The following EPHB1 variants were observed in gnomAD, a reference collection of about 807,000 sequenced individuals.
EPHB1 encodes ephrin type-B receptor 1.
In EPHB1, 30 loss-of-function variants were observed where a neutral mutation model predicts 94.4. The ratio of observed to expected loss-of-function variants is 0.32; its 90% confidence interval spans 0.24 to 0.43. EPHB1 has a LOEUF of 0.43. EPHB1 is among the 20% of genes least tolerant of loss of function. The pLI, the probability that EPHB1 is intolerant of heterozygous loss-of-function variation, is 1.00. For missense variants in EPHB1, 1,055 were observed against 1,308.3 expected (o/e 0.81, Z 2.99); for synonymous variants, 522 against 489.1 (o/e 1.07, Z -0.89).
intron 3 of EPHB1, among the ~76,000 whole-genome samples, chr3:135,015,008 T>G (rs1935745648): frequency 2.6e-5 from 4 of 152,202 alleles, no homozygotes; most frequent in African/African-American, 9.6e-5. Context: ...GACCCTGGGC[T>G]GCAGGTGTGT....
intron 2 of EPHB1, among the ~76,000 whole-genome samples, chr3:134,948,357 A>G (rs2039254763): frequency 6.6e-6 from 1 of 151,910 alleles, no homozygotes; most frequent in South Asian, 2.1e-4. Context: ...TCCTTTCCTC[A>G]AGTCATGTAG....
intron 3 of EPHB1, among the ~76,000 whole-genome samples, chr3:134,987,674 G>A (rs1344090890): frequency 6.6e-6 from 1 of 152,200 alleles, no homozygotes; most frequent in Non-Finnish European, 1.5e-5. Context: ...TGGAGGCTGA[G>A]GCAGGAGAAC....
At chr3:135,057,505 C>G (rs1937381751) in intron 3 of EPHB1, among the ~76,000 whole-genome samples, 1 of 152,162 alleles carries the variant, frequency 6.6e-6, no homozygotes, top group African/African-American at 2.4e-5. Flanking sequence ...CTGTGATGCT[C>G]ACTGATGTCC....
rs559890939 is a variant in EPHB1 at position 134,808,951 on chromosome 3, T to A, written c.58+13262T>A. Among the ~76,000 whole-genome samples, 23 of 152,358 alleles carry A rather than the reference T, an allele frequency of 1.5e-4. No individual in the cohort carries two copies. The East Asian group carries it at 4.4e-3, about 29-fold the overall frequency. On this transcript the variant is annotated intron_variant, in intron 1 of 15. Transcript: ENST00000398015. ...TCTCACTGTAATCCCCTGGTTCCAATGTAGATACCAGAGCATCTGAATTTA... is the reference window on the plus strand; with the variant it reads ...TCTCACTGTAATCCCCTGGTTCCAAAGTAGATACCAGAGCATCTGAATTTA...
Position 135,012,228 on chromosome 3 carries a change from C to T in EPHB1, c.805+60176C>T, listed in dbSNP as rs1023074212. On this transcript the variant is annotated intron_variant, in intron 3 of 15. Transcript: ENST00000398015. ...CAGGACAGAGTAGTGCTCAGCTGAGCACATCAGGGCATTCTTTGCTCCCAA... is the reference window on the plus strand; with the variant it reads ...CAGGACAGAGTAGTGCTCAGCTGAGTACATCAGGGCATTCTTTGCTCCCAA... Among the ~76,000 whole-genome samples the T allele has an allele frequency of 8.5e-5, 13 of 152,312 alleles. 2 individuals carry two copies. The highest frequency in any genetic ancestry group is 2.6e-4 in the African/African-American group (11 of 41,560).
chr3:134,827,649 TTTAG>T (rs1262745883), intron 1 of EPHB1, among the ~76,000 whole-genome samples: 2 of 152,220 alleles, frequency 1.3e-5, no homozygotes, highest in Non-Finnish European at 2.9e-5. Flanking sequence ...GTGTAGCATG[TTTAG>T]TTCTCAACCA....
intron 10 of EPHB1, among the ~76,000 whole-genome samples, chr3:135,183,247 T>TTCCTTCCTTCCTTC (rs536952678): frequency 1.1e-5 from 1 of 91,340 alleles, no homozygotes; most frequent in East Asian, 3.9e-4. Context: ...TCCCTCCCTT[T>TTCCTTCCTTCCTTC]CTTCCTTCCT....
At chr3:135,081,606 G>C (rs1467025419) in intron 3 of EPHB1, among the ~76,000 whole-genome samples, 1 of 152,162 alleles carries the variant, frequency 6.6e-6, no homozygotes, top group East Asian at 1.9e-4. Flanking sequence ...GCTGCCCAAG[G>C]AGCTTCTGCT....
At chr3:135,152,632 G>T (rs986403136) in intron 5 of EPHB1, among the ~76,000 whole-genome samples, 18 of 152,162 alleles carry the variant, frequency 1.2e-4, no homozygotes, top group Admixed American at 1.0e-3. Context: ...GCTTTAGCTT[G>T]CTGTGGGGGT....
intron 1 of EPHB1, among the ~76,000 whole-genome samples, chr3:134,915,423 G>A (rs1365425154): frequency 6.6e-6 from 1 of 152,122 alleles, no homozygotes; most frequent in African/African-American, 2.4e-5. Context: ...GAACACCAGA[G>A]ATCCCAGGCA....
chr3:135,111,414 C>T (rs553613338), intron 4 of EPHB1, among the ~76,000 whole-genome samples: 1 of 152,132 alleles, frequency 6.6e-6, no homozygotes, highest in Non-Finnish European at 1.5e-5. Context: ...CTGTCCTTTG[C>T]TTTATGACTT....
intron 3 of EPHB1, among the ~76,000 whole-genome samples, chr3:135,057,706 T>A (rs138563259): frequency 0.011 from 1,691 of 152,324 alleles, 11 homozygotes; most frequent in Non-Finnish European, 0.017. Flanking sequence ...TGTGTGCACA[T>A]ATGTCATAGG....
At chr3:135,215,573 A>C (rs987516786) in intron 12 of EPHB1, among the ~76,000 whole-genome samples, 4 of 152,246 alleles carry the variant, frequency 2.6e-5, no homozygotes, top group Non-Finnish European at 4.4e-5. Flanking sequence ...AATCCAGAAA[A>C]GCTGATATTC....
rs569663135 is a variant in EPHB1 at position 134,818,520 on chromosome 3, GC to G, written c.58+22837del. Among the ~76,000 whole-genome samples, 66 of 152,138 alleles carry G rather than the reference GC, an allele frequency of 4.3e-4. 1 individual carries two copies. The highest frequency in any genetic ancestry group is 3.4e-3 in the Middle Eastern group (1 of 294). On this transcript the variant is annotated intron_variant, in intron 1 of 15. Coordinates refer to ENST00000398015, the MANE Select transcript of EPHB1 (RefSeq NM_004441.5). ...CCATATTTGTAGTCTTTTATCCCTTGCCCCCCTTCAACTCTTCCCTCTCTTA... is the reference window on the plus strand; with the variant it reads ...CCATATTTGTAGTCTTTTATCCCTTGCCCCCTTCAACTCTTCCCTCTCTTA...
Position 135,249,395 on chromosome 3 carries a change from A to G in EPHB1, c.2750A>G (p.Asp917Gly). The stretch of plus-strand genomic sequence containing the variant: ...GACTTCACGGCCTTTACCACCGTGG[A>G]TGACTGGCTCAGCGCCATCAAAATG... ...IPDFTAFTTV[D>G]DWLSAIKMVQ... Residue 917 changes from aspartate (D) to glycine (G), a missense_variant, in exon 15 of 16, where the codon GAT becomes GGT. Physicochemically the swap from Asp to Gly is moderately conservative, Grantham distance 94. Transcript: ENST00000398015. 6.2e-7 allele frequency: 1 copy of G among 1,614,006 alleles called. No homozygotes were observed. The highest frequency in any genetic ancestry group is 1.3e-5 in the African/African-American group (1 of 75,050).
chr3:134,996,191 TTTTA>T (rs924176215), intron 3 of EPHB1, among the ~76,000 whole-genome samples: 1 of 152,154 alleles, frequency 6.6e-6, no homozygotes, highest in African/African-American at 2.4e-5. Flanking sequence ...AATAATATTC[TTTTA>T]TTTATTTATT....
intron 3 of EPHB1, among the ~76,000 whole-genome samples, chr3:135,097,918 G>A (rs868538866): frequency 1.3e-5 from 2 of 152,294 alleles, no homozygotes; most frequent in South Asian, 2.1e-4. Flanking sequence ...AGGTAAGCTA[G>A]GGATGGTCTT....
chr3:135,228,817 T>A (rs568659259), intron 12 of EPHB1, among the ~76,000 whole-genome samples: 1 of 152,242 alleles, frequency 6.6e-6, no homozygotes, highest in African/African-American at 2.4e-5. Flanking sequence ...AATCCTTTTG[T>A]TTTTCCTTTG....
intron 3 of EPHB1, among the ~76,000 whole-genome samples, chr3:135,043,560 G>A (rs540328010): frequency 6.6e-5 from 10 of 152,166 alleles, no homozygotes; most frequent in South Asian, 2.1e-4. Context: ...TCTCTGCTTT[G>A]ACTATCAAGG....
Sources: gnomAD v4.1 joint callset for allele counts (sites outside exome capture counted in the v4.1 genomes callset) on GRCh38, gnomAD v4.1.1 for gene constraint, MANE v1.5 for transcripts, NCBI Gene and HGNC (gene_info 2026-07-23, HGNC 2026-07-21) for gene names.